The following CHST12 variants were observed in gnomAD, a reference collection of about 807,000 sequenced individuals.
CHST12 encodes the protein carbohydrate sulfotransferase 12.
A neutral mutation model predicts 27.9 loss-of-function variants in CHST12; 23 were observed. That is an observed-to-expected ratio of 0.82 (90% CI 0.59 to 1.17). The LOEUF (loss-of-function observed/expected upper bound fraction) is 1.17, where lower values mean the gene tolerates loss of function less well. Ranked by LOEUF, CHST12 falls within the 50% of genes most tolerant of loss-of-function variation. The probability of loss-of-function intolerance (pLI) is 0.00; values close to 1 mark genes in which losing one functional copy is unlikely to be tolerated. For synonymous variants in CHST12, 322 were observed against 273.0 expected (o/e 1.18, Z -1.77); for missense variants, 682 against 603.0 (o/e 1.13, Z -1.37).
intron 1 of CHST12, among the ~76,000 whole-genome samples, chr7:2,410,096 G>C (rs1007678080): frequency 6.6e-6 from 1 of 152,066 alleles, no homozygotes; most frequent in Non-Finnish European, 1.5e-5. Flanking sequence ...GCTTTCTTTC[G>C]TCGTTTTCCA....
At chr7:2,416,843 C>T (rs1236484114) in intron 1 of CHST12, among the ~76,000 whole-genome samples, 1 of 152,128 alleles carries the variant, frequency 6.6e-6, no homozygotes, top group Non-Finnish European at 1.5e-5. Context: ...CTACATTTTA[C>T]ATGTGAAAAG....
chr7:2,405,776 C>T (rs1781508773), intron 1 of CHST12, among the ~76,000 whole-genome samples: 1 of 152,106 alleles, frequency 6.6e-6, no homozygotes, highest in Non-Finnish European at 1.5e-5. Flanking sequence ...AGCGCTGCGG[C>T]CAGGTGGGAG....
intron 1 of CHST12, among the ~76,000 whole-genome samples, chr7:2,415,704 C>T (rs1781787903): frequency 6.6e-6 from 1 of 151,932 alleles, no homozygotes; most frequent in Non-Finnish European, 1.5e-5. Context: ...GCTCCGCCTC[C>T]CGGGTTCACG....
chr7:2,431,120 C>CTT (rs1376142576), intron 1 of CHST12, among the ~76,000 whole-genome samples: 1 of 152,136 alleles, frequency 6.6e-6, no homozygotes, highest in Non-Finnish European at 1.5e-5. Context: ...GTGGATTTGT[C>CTT]TGTTTATCCT....
intron 1 of CHST12, among the ~76,000 whole-genome samples, chr7:2,415,950 T>A (rs911381435): frequency 6.6e-6 from 1 of 152,194 alleles, no homozygotes; most frequent in Non-Finnish European, 1.5e-5. Context: ...TGTGCTGCAT[T>A]TATTGACTCT....
At chr7:2,430,611 C>G (rs1262727544) in intron 1 of CHST12, among the ~76,000 whole-genome samples, 3 of 151,998 alleles carry the variant, frequency 2.0e-5, no homozygotes, top group Admixed American at 1.3e-4. Flanking sequence ...AGCCACCATG[C>G]CCAGCCTAAA....
chr7:2,433,275 G>A lies in CHST12; in HGVS notation c.636G>A (p.Ala212=), dbSNP rs773943205. The A allele has an allele frequency of 1.2e-6, 2 of 1,611,680 alleles. No individual in the cohort carries two copies. The highest frequency in any genetic ancestry group is 4.5e-5 in the East Asian group (2 of 44,802). Residue 212 remains alanine, a synonymous_variant, in exon 2 of 2, where the codon GCG becomes GCA. Coordinates refer to ENST00000618655, the MANE Select transcript of CHST12 (RefSeq NM_018641.5). This position sits in a 1 kb window ranked among gnomAD's most constrained non-coding sequence, Gnocchi z 6.1. ...IPREHVHNAS[A]HLTFNKFWRR... ...GCGAGCACGTGCACAACGCCAGCGC[G>A]CACCTGACCTTCAACAAGTTCTGGC...
At chr7:2,415,266 T>TGAGTAGCCAGGATTAC (rs1781773619) in intron 1 of CHST12, among the ~76,000 whole-genome samples, 1 of 151,536 alleles carries the variant, frequency 6.6e-6, no homozygotes, top group Non-Finnish European at 1.5e-5. Context: ...CTCAGGAGGC[T>TGAGTAGCCAGGATTAC]AAGGCAGGAG....
At position 2,439,997 on chromosome 7, in the gene CHST12, G is replaced by A. The variant is rs1782563521; in HGVS notation, c.*6113G>A. ...AGCCTCCCAAAGTGCTGGGATTACAGGCGTGGGCTGCTGTGCCCAGCAGGA... is the reference window on the plus strand; with the variant it reads ...AGCCTCCCAAAGTGCTGGGATTACAAGCGTGGGCTGCTGTGCCCAGCAGGA... On this transcript the variant is annotated 3_prime_UTR_variant, in exon 2 of 2. Transcript: ENST00000618655. 1 of 152,200 alleles carries A rather than the reference G, an allele frequency of 6.6e-6. No individual in the cohort carries two copies. The highest frequency in any genetic ancestry group is 2.1e-4 in the South Asian group (1 of 4,832). The allele number at this position is 152,200 out of a possible 1,614,324, so 9.4% of individuals were successfully genotyped here. A position where few individuals can be genotyped will look rare whatever the true frequency, so the allele number is the denominator to read the frequency against.
In CHST12 at chr7:2,434,142, T is replaced by TCGCCCGCCCGCCCGCTCG; in HGVS notation, c.*259_*260insGCCCGCCCGCCCGCTCGC. 1 of 298,430 alleles carries TCGCCCGCCCGCCCGCTCG rather than the reference T, an allele frequency of 3.4e-6. No homozygotes were observed. The highest frequency in any genetic ancestry group is 6.2e-6 in the Non-Finnish European group (1 of 160,478). The allele number at this position is 298,430 out of a possible 1,614,324, so 18.5% of individuals were successfully genotyped here. A position where few individuals can be genotyped will look rare whatever the true frequency, so the allele number is the denominator to read the frequency against. ...CCCGCCCGCTCGCCCGCTCGCCCGCTCCTGTGGTTTTTCTGAGCGTGCGGG... is the reference window on the plus strand; with the variant it reads ...CCCGCCCGCTCGCCCGCTCGCCCGCTCGCCCGCCCGCCCGCTCGCCTGTGGTTTTTCTGAGCGTGCGGG... On this transcript the variant is annotated 3_prime_UTR_variant, in exon 2 of 2. Coordinates refer to ENST00000618655, the MANE Select transcript of CHST12 (RefSeq NM_018641.5).
intron 1 of CHST12, among the ~76,000 whole-genome samples, chr7:2,417,226 C>CT (rs1210382918): frequency 0.02 from 2,835 of 139,054 alleles, 58 homozygotes; most frequent in African/African-American, 0.053. Flanking sequence ...CTTACTCTAC[C>CT]TTTTTTTTTT....
At chr7:2,410,236 A>G (rs2115387756) in intron 1 of CHST12, among the ~76,000 whole-genome samples, 1 of 152,322 alleles carries the variant, frequency 6.6e-6, no homozygotes, top group South Asian at 2.1e-4. Context: ...CTCTTTCTTG[A>G]GCAAGTACTG....
At chr7:2,432,485 G>C (rs1782297966) in intron 1 of CHST12, 78 bp from the exon 2 acceptor site, 2 of 882,062 alleles carry the variant, frequency 2.3e-6, no homozygotes, top group Non-Finnish European at 3.4e-6. Flanking sequence ...CCGGACCCCA[G>C]TCCCCCACTG....
chr7:2,410,567 G>A (rs1781640364), intron 1 of CHST12, among the ~76,000 whole-genome samples: 1 of 152,178 alleles, frequency 6.6e-6, no homozygotes, highest in South Asian at 2.1e-4. Flanking sequence ...AAGAAAACCA[G>A]GGTATGGGGA....
Position 2,433,903 on chromosome 7 carries a change from T to C in CHST12, c.*19T>C. 6.5e-7 allele frequency: 1 copy of C among 1,542,164 alleles called. No individual in the cohort carries two copies. Among genetic ancestry groups the C allele is most frequent in the African/African-American group, 1.4e-5 (1 of 72,276 alleles). ...AGACTGAAAGCTTTCGCGTTGCTTT[T>C]TCTCGCGTGCCTGGAACCTGACGCA... On this transcript the variant is annotated 3_prime_UTR_variant, in exon 2 of 2. Transcript: ENST00000618655. The surrounding 1 kb of genome is among the most constrained non-coding windows in gnomAD (Gnocchi z 6.1).
Position 2,433,504 on chromosome 7 carries a change from C to A in CHST12, c.865C>A (p.Arg289Ser). ...CCACACCAGCCTGCCCGCCTCGGCG[C>A]GCGAGGCCTTCCGCGCTGGCCTCAA... The part of the protein sequence containing the change: ...ANHTSLPASA[R>S]EAFRAGLKVS... The change falls in exon 2 of 2, where the codon CGC becomes AGC. Residue 289 changes from arginine to serine, a missense_variant. Arg to Ser is a moderately radical substitution (Grantham distance 110, BLOSUM62 -1). Coordinates refer to ENST00000618655, the MANE Select transcript of CHST12 (RefSeq NM_018641.5). The surrounding 1 kb of genome is among the most constrained non-coding windows in gnomAD (Gnocchi z 6.1). 1 of 1,612,244 alleles carries A rather than the reference C, an allele frequency of 6.2e-7. No individual in the cohort carries two copies. The highest frequency in any genetic ancestry group is 1.7e-5 in the Admixed American group (1 of 60,008).
At chr7:2,421,551 C>T (rs1007059646) in intron 1 of CHST12, among the ~76,000 whole-genome samples, 2 of 150,772 alleles carry the variant, frequency 1.3e-5, no homozygotes, top group Non-Finnish European at 2.9e-5. Context: ...GTCCTTCCAT[C>T]TCAGCCTCTC....
intron 1 of CHST12, among the ~76,000 whole-genome samples, chr7:2,420,568 G>A (rs911237137): frequency 6.6e-6 from 1 of 152,156 alleles, no homozygotes; most frequent in Non-Finnish European, 1.5e-5. Flanking sequence ...AGCACTTTGG[G>A]GGGCCAAGGT....
rs138182497 is a variant in CHST12 at position 2,422,611 on chromosome 7, C to T, written c.-77-9952C>T. On this transcript the variant is annotated intron_variant, in intron 1 of 1. Coordinates refer to ENST00000618655, the MANE Select transcript of CHST12 (RefSeq NM_018641.5). ...AGTGCAGTGGTGCGATCTCAGCTCA[C>T]TGCAAACTGCGACTCCCGGGTTCAA... Among the ~76,000 whole-genome samples the T allele has an allele frequency of 5.4e-3, 815 of 151,976 alleles. 8 individuals are homozygous for T. Among genetic ancestry groups the T allele is most frequent in the African/African-American group, 0.019 (793 of 41,416 alleles).
Sources: gnomAD v4.1 joint callset for allele counts (sites outside exome capture counted in the v4.1 genomes callset) on GRCh38, gnomAD v4.1.1 for gene constraint, Gnocchi (gnomAD v3.1) non-coding constraint, MANE v1.5 for transcripts, NCBI Gene and HGNC (gene_info 2026-07-23, HGNC 2026-07-21) for gene names.